Variants in LNP1 observed in about 807,000 individuals in gnomAD.
The protein encoded by LNP1 is leukemia NUP98 fusion partner 1.
LNP1 carries 12 observed loss-of-function variants against 14.5 expected under a neutral mutation model. The observed-to-expected ratio is 0.83, with a 90% CI of 0.53 to 1.34. The LOEUF is 1.34. Ranked by LOEUF, LNP1 falls within the 40% of genes most tolerant of loss-of-function variation. The pLI is 0.00. For synonymous variants in LNP1, 75 were observed against 71.4 expected (o/e 1.05, Z -0.26); for missense variants, 198 against 210.9 (o/e 0.94, Z 0.38).
At chr3:100,440,044 T>G (rs1235966557) in intron 2 of LNP1, among the ~76,000 whole-genome samples, 3 of 152,202 alleles carry the variant, frequency 2.0e-5, no homozygotes, top group Non-Finnish European at 4.4e-5. Flanking sequence ...GATTAAAGCT[T>G]CTTCTGAGGC....
intron 2 of LNP1, among the ~76,000 whole-genome samples, chr3:100,451,399 G>C (rs1376247368): frequency 6.6e-6 from 1 of 152,152 alleles, no homozygotes; most frequent in Non-Finnish European, 1.5e-5. Context: ...AGAGACAAAT[G>C]GTTGCATTCT....
At chr3:100,421,035 G>A (rs148690955) in intron 1 of LNP1, among the ~76,000 whole-genome samples, 89 of 152,154 alleles carry the variant, frequency 5.8e-4, no homozygotes, top group African/African-American at 2.1e-3. Context: ...CTGGAGTGCA[G>A]TGGGATAGTC....
intron 2 of LNP1, among the ~76,000 whole-genome samples, chr3:100,448,760 G>C (rs1028567099): frequency 6.6e-6 from 1 of 152,068 alleles, no homozygotes; most frequent in African/African-American, 2.4e-5. Flanking sequence ...ATTAGTTAGA[G>C]CTCTTTTATA....
intron 1 of LNP1, among the ~76,000 whole-genome samples, chr3:100,425,208 A>G (rs955696614): frequency 6.6e-6 from 1 of 152,236 alleles, no homozygotes. Context: ...CAGGTAGCAC[A>G]GGTTAGCAGA....
At chr3:100,450,393 G>A (rs1293831188) in intron 2 of LNP1, among the ~76,000 whole-genome samples, 1 of 149,976 alleles carries the variant, frequency 6.7e-6, no homozygotes. Flanking sequence ...GAGTGCAATA[G>A]CGTGATCTCG....
intron 1 of LNP1, among the ~76,000 whole-genome samples, chr3:100,408,199 T>C (rs1313792544): frequency 3.3e-5 from 5 of 152,222 alleles, no homozygotes; most frequent in African/African-American, 1.2e-4. Context: ...AGTTACTTAT[T>C]CCAGCCCTCA....
intron 2 of LNP1, among the ~76,000 whole-genome samples, chr3:100,451,330 A>G (rs1374001277): frequency 6.6e-6 from 1 of 152,198 alleles, no homozygotes; most frequent in Non-Finnish European, 1.5e-5. Context: ...AAAAGGCAGG[A>G]CAACTCAAAG....
intron 2 of LNP1, among the ~76,000 whole-genome samples, chr3:100,435,509 T>G (rs1707285696): frequency 6.6e-6 from 1 of 152,164 alleles, no homozygotes; most frequent in African/African-American, 2.4e-5. Context: ...ATTAAAAAAA[T>G]AATTTTTTTT....
chr3:100,406,750 G>T (rs1260508484), intron 1 of LNP1, among the ~76,000 whole-genome samples: 2 of 152,042 alleles, frequency 1.3e-5, no homozygotes, highest in Non-Finnish European at 2.9e-5. Context: ...GGCCAGGCTG[G>T]TCTTAAACTC....
intron 1 of LNP1, among the ~76,000 whole-genome samples, chr3:100,427,045 G>C (rs1707199432): frequency 6.6e-6 from 1 of 152,094 alleles, no homozygotes; most frequent in South Asian, 2.1e-4. Flanking sequence ...ATTATACCTG[G>C]TGAGAGATTC....
At chr3:100,432,610 A>T (rs1707253052) in intron 2 of LNP1, among the ~76,000 whole-genome samples, 2 of 152,226 alleles carry the variant, frequency 1.3e-5, no homozygotes, top group African/African-American at 4.8e-5. Flanking sequence ...TGAATAAAGA[A>T]ATCCCATGTT....
chr3:100,422,293 C>T (rs1019694147), intron 1 of LNP1, among the ~76,000 whole-genome samples: 1 of 151,214 alleles, frequency 6.6e-6, no homozygotes, highest in African/African-American at 2.4e-5. Context: ...AGGCCATTCT[C>T]CTGCCTCAGC....
intron 1 of LNP1, among the ~76,000 whole-genome samples, chr3:100,420,983 T>C (rs890667220): frequency 6.6e-6 from 1 of 152,096 alleles, no homozygotes; most frequent in Non-Finnish European, 1.5e-5. Flanking sequence ...GTAATGTTAT[T>C]TTTTTATTTT....
intron 2 of LNP1, among the ~76,000 whole-genome samples, chr3:100,444,150 T>C (rs1707368070): frequency 6.6e-6 from 1 of 152,176 alleles, no homozygotes; most frequent in Non-Finnish European, 1.5e-5. Context: ...TCCAAAGTTA[T>C]CAGAAACCTC....
chr3:100,419,727 G>A (rs1047284146), intron 1 of LNP1, among the ~76,000 whole-genome samples: 2 of 151,836 alleles, frequency 1.3e-5, no homozygotes, highest in African/African-American at 4.8e-5. Context: ...CTATTTATAT[G>A]GAATTATATT....
chr3:100,416,597 T>G lies in LNP1; in HGVS notation c.-33-13100T>G, dbSNP rs968890312. Among the ~76,000 whole-genome samples the G allele has an allele frequency of 7.7e-3, 857 of 110,646 alleles. 7 individuals are homozygous for G. The highest frequency in any genetic ancestry group is 0.013 in the Non-Finnish European group (676 of 50,854). 72.6% of individuals were successfully genotyped at this position (110,646 alleles called of 152,430 possible). ...ATAAATAATACCTTGAGTATATCTTTTTTGTGTGTGTGTGTGTGTGTGTGT... is the reference window on the plus strand; with the variant it reads ...ATAAATAATACCTTGAGTATATCTTGTTTGTGTGTGTGTGTGTGTGTGTGT... On this transcript the variant is annotated intron_variant, in intron 1 of 3. Coordinates refer to ENST00000383693, the MANE Select transcript of LNP1 (RefSeq NM_001085451.2).
chr3:100,441,358 G>C (rs1168831406), intron 2 of LNP1, among the ~76,000 whole-genome samples: 1 of 152,174 alleles, frequency 6.6e-6, no homozygotes, highest in Non-Finnish European at 1.5e-5. Flanking sequence ...ACTGGAGTGA[G>C]TTGAGTGAGT....
At chr3:100,404,938 G>T (rs1398875966) in intron 1 of LNP1, among the ~76,000 whole-genome samples, 1 of 151,736 alleles carries the variant, frequency 6.6e-6, no homozygotes, top group South Asian at 2.1e-4. Flanking sequence ...GACTACTGGC[G>T]CCCGCCACCA....
intron 2 of LNP1, among the ~76,000 whole-genome samples, chr3:100,444,965 A>G (rs1467310554): frequency 6.6e-6 from 1 of 152,150 alleles, no homozygotes; most frequent in Admixed American, 6.5e-5. Context: ...TGCCTTTGAC[A>G]TTGATGATTA....
Sources: gnomAD v4.1 joint callset for allele counts (sites outside exome capture counted in the v4.1 genomes callset) on GRCh38, gnomAD v4.1.1 for gene constraint, MANE v1.5 for transcripts, NCBI Gene and HGNC (gene_info 2026-07-23, HGNC 2026-07-21) for gene names.